Variants in LARGE1 observed in about 807,000 individuals in gnomAD.
LARGE1 encodes LARGE xylosyl- and glucuronyltransferase 1, also known as xylosyl- and glucuronyltransferase LARGE1.
A neutral mutation model predicts 87.6 loss-of-function variants in LARGE1; 43 were observed. The ratio of observed to expected loss-of-function variants is 0.49; its 90% CI spans 0.38 to 0.63. The LOEUF is 0.63. Ranked by LOEUF, LARGE1 falls within the 30% of genes least tolerant of loss-of-function variation. The pLI, the probability that LARGE1 is intolerant of heterozygous loss-of-function variation, is 0.00. For missense variants in LARGE1, 802 were observed against 1,000.2 expected (o/e 0.80, Z 2.67); for synonymous variants, 434 against 394.6 (o/e 1.10, Z -1.18).
At chr22:33,687,805 G>A (rs1280176939) in intron 2 of LARGE1, among the ~76,000 whole-genome samples, 1 of 152,202 alleles carries the variant, frequency 6.6e-6, no homozygotes, top group Non-Finnish European at 1.5e-5. Flanking sequence ...ATGCCAACCT[G>A]AGTGCTACCC....
intron 11 of LARGE1, among the ~76,000 whole-genome samples, chr22:33,314,834 T>C (rs1459839090): frequency 6.6e-6 from 1 of 152,168 alleles, no homozygotes. Flanking sequence ...TGGCCAAGTA[T>C]AGAAAAGCCA....
intron 11 of LARGE1, among the ~76,000 whole-genome samples, chr22:33,241,121 G>T (rs966613281): frequency 6.6e-6 from 1 of 152,172 alleles, no homozygotes; most frequent in Non-Finnish European, 1.5e-5. Flanking sequence ...GCATGGTCAA[G>T]CTTCTTCATA....
chr22:33,405,001 T>G (rs540857920), intron 7 of LARGE1, among the ~76,000 whole-genome samples: 1 of 152,308 alleles, frequency 6.6e-6, no homozygotes, highest in East Asian at 1.9e-4. Flanking sequence ...CATTGGGTAG[T>G]GGGGAAGAGG....
At chr22:33,665,552 T>C (rs774922527) in intron 2 of LARGE1, among the ~76,000 whole-genome samples, 4 of 152,172 alleles carry the variant, frequency 2.6e-5, no homozygotes, top group Non-Finnish European at 5.9e-5. Context: ...TTATCTTATA[T>C]AGTGATTTCA....
chr22:33,654,590 A>G (rs1569346012), intron 2 of LARGE1, among the ~76,000 whole-genome samples: 1 of 151,674 alleles, frequency 6.6e-6, no homozygotes, highest in Non-Finnish European at 1.5e-5. Context: ...GCTTCTCCTG[A>G]CTCTCTGGGA....
At chr22:33,203,145 A>AAGAG (rs202068561) in intron 11 of LARGE1, among the ~76,000 whole-genome samples, 5,739 of 128,530 alleles carry the variant, frequency 0.045, 170 homozygotes, top group South Asian at 0.17. Flanking sequence ...ATGAGAGAGA[A>AAGAG]AGAGAGAGAC....
At chr22:33,748,515 T>C (rs959711762) in intron 2 of LARGE1, among the ~76,000 whole-genome samples, 11 of 152,176 alleles carry the variant, frequency 7.2e-5, no homozygotes, top group African/African-American at 2.2e-4. Flanking sequence ...ACCTAATTCA[T>C]GCTAGGCACC....
chr22:33,099,315 G>A, the LARGE1 span, among the ~76,000 whole-genome samples: 8 of 152,194 alleles, frequency 5.3e-5, no homozygotes, highest in Middle Eastern at 3.4e-3. Context: ...GTGCAATGGC[G>A]TGATCTCAGC....
intron 11 of LARGE1, among the ~76,000 whole-genome samples, chr22:33,171,352 CAAG>C (rs1484453296): frequency 6.6e-6 from 1 of 152,188 alleles, no homozygotes; most frequent in Non-Finnish European, 1.5e-5. Context: ...TGGAGAAATT[CAAG>C]CCTACTGCAG....
intron 6 of LARGE1, among the ~76,000 whole-genome samples, chr22:33,454,455 T>A (rs752800844): frequency 1.3e-5 from 2 of 151,448 alleles, no homozygotes; most frequent in Non-Finnish European, 2.9e-5. Flanking sequence ...CCGTCTCTAC[T>A]GAAAAAACAA....
At position 33,274,291 on chromosome 22, in the gene LARGE1, G is replaced by T; in HGVS notation, c.*136C>A. On this transcript the variant is annotated 3_prime_UTR_variant, in exon 15 of 15. Coordinates refer to ENST00000397394, the MANE Select transcript of LARGE1 (RefSeq NM_133642.5). ...GTCCAAGGTCTCTGTAGTGAGGGCAGCTTGGCTGGGCCAAAGAGATAAATA... is the reference window on the plus strand; with the variant it reads ...GTCCAAGGTCTCTGTAGTGAGGGCATCTTGGCTGGGCCAAAGAGATAAATA... The T allele has an allele frequency of 2.2e-6, 2 of 904,424 alleles. No homozygotes were observed. The highest frequency in any genetic ancestry group is 1.8e-6 in the Non-Finnish European group (1 of 559,988). The allele number at this position is 904,424 out of a possible 1,614,324, so 56.0% of individuals were successfully genotyped here.
At chr22:33,534,418 A>C (rs948014313) in intron 6 of LARGE1, among the ~76,000 whole-genome samples, 1 of 105,572 alleles carries the variant, frequency 9.5e-6, no homozygotes, top group Non-Finnish European at 1.7e-5. Flanking sequence ...ACAAACAGAC[A>C]AAAAAAAAAA....
At chr22:33,616,383 T>A (rs2079581044) in intron 4 of LARGE1, among the ~76,000 whole-genome samples, 1 of 151,922 alleles carries the variant, frequency 6.6e-6, no homozygotes, top group Admixed American at 6.6e-5. Context: ...AATTAAAAAA[T>A]TAGCTGGGCA....
intron 11 of LARGE1, among the ~76,000 whole-genome samples, chr22:33,170,295 G>A (rs1431442589): frequency 6.6e-6 from 1 of 152,136 alleles, no homozygotes; most frequent in East Asian, 1.9e-4. Context: ...CTTGAACCCA[G>A]GAGATGGAGG....
chr22:33,331,264 G>A (rs1285968158), intron 10 of LARGE1, among the ~76,000 whole-genome samples: 1 of 152,140 alleles, frequency 6.6e-6, no homozygotes, highest in Non-Finnish European at 1.5e-5. Context: ...GAGGTCATGT[G>A]TCTATTAAAT....
chr22:33,201,526 T>C (rs1297311777), intron 11 of LARGE1, among the ~76,000 whole-genome samples: 1 of 151,916 alleles, frequency 6.6e-6, no homozygotes, highest in Non-Finnish European at 1.5e-5. Context: ...TTGAATAGGG[T>C]GGTCACAATT....
intron 13 of LARGE1, among the ~76,000 whole-genome samples, chr22:33,280,903 C>A (rs1930317758): frequency 6.6e-6 from 1 of 152,176 alleles, no homozygotes; most frequent in South Asian, 2.1e-4. Context: ...CTGGGCTAGG[C>A]TTGAGCCTCT....
intron 6 of LARGE1, among the ~76,000 whole-genome samples, chr22:33,561,451 C>T (rs1055898740): frequency 3.2e-4 from 48 of 152,272 alleles, no homozygotes; most frequent in African/African-American, 1.1e-3. Flanking sequence ...GGACCCCTGC[C>T]AGGTATACCA....
At chr22:33,215,209 C>T (rs902323276) in intron 11 of LARGE1, among the ~76,000 whole-genome samples, 2 of 152,156 alleles carry the variant, frequency 1.3e-5, no homozygotes, top group Admixed American at 6.6e-5. Flanking sequence ...CCTAGGTATA[C>T]AGCACTAAAT....
Sources: allele counts gnomAD v4.1 joint callset (sites outside exome capture counted in the v4.1 genomes callset), GRCh38; gene constraint gnomAD v4.1.1; transcripts MANE v1.5; gene names NCBI Gene and HGNC (gene_info 2026-07-23, HGNC 2026-07-21).